TMEM254: variants seen among roughly 807,000 people sequenced by gnomAD.
TMEM254 encodes the protein transmembrane protein 254.
TMEM254 carries 16 observed loss-of-function variants against 13.9 expected under a neutral mutation model. The ratio of observed to expected loss-of-function variants is 1.15; its 90% CI spans 0.78 to 1.75. The LOEUF is 1.75. Ranked by LOEUF, TMEM254 falls within the 40% of genes most tolerant of loss-of-function variation. The pLI is 0.00. For synonymous variants in TMEM254, 61 were observed against 56.4 expected (o/e 1.08, Z -0.36); for missense variants, 155 against 149.0 (o/e 1.04, Z -0.21).
intron 1 of TMEM254, chr10:80,079,762 G>T (rs1335294937): frequency 4.3e-6 from 4 of 940,522 alleles, no homozygotes; most frequent in Non-Finnish European, 3.8e-6. Flanking sequence ...ACCCAGGCTG[G>T]AGTGCAGTGG....
chr10:80,088,106 T>C (rs1325559305), intron 3 of TMEM254, among the ~76,000 whole-genome samples: 1 of 152,206 alleles, frequency 6.6e-6, no homozygotes, highest in Non-Finnish European at 1.5e-5. Context: ...CAGAGCTACT[T>C]ATTGAGACAT....
At chr10:80,079,503 G>A in intron 1 of TMEM254, 2 of 1,017,900 alleles carry the variant, frequency 2.0e-6, no homozygotes, top group Non-Finnish European at 2.4e-6. Context: ...TGAGCCAATA[G>A]GAATTGTTTG....
At chr10:80,089,983 T>C (rs1388104210) in intron 3 of TMEM254, among the ~76,000 whole-genome samples, 7 of 143,706 alleles carry the variant, frequency 4.9e-5, no homozygotes, top group African/African-American at 1.0e-4. Flanking sequence ...CCAGCCTGGG[T>C]GACAGAGCGA....
chr10:80,086,613 C>T (rs983905813), intron 3 of TMEM254, among the ~76,000 whole-genome samples: 17 of 151,858 alleles, frequency 1.1e-4, no homozygotes, highest in South Asian at 8.3e-4. Context: ...GAGGCCAAGG[C>T]GGACGGATCA....
chr10:80,083,734 G>T (rs1238839668), intron 3 of TMEM254, among the ~76,000 whole-genome samples: 1 of 152,150 alleles, frequency 6.6e-6, no homozygotes, highest in South Asian at 2.1e-4. Flanking sequence ...GCTGCTTGTG[G>T]TCCCTTGGGA....
chr10:80,082,128 C>CT lies in TMEM254; in HGVS notation c.192-9dup, dbSNP rs753133973. Reference sequence around the variant, plus strand: ...AACTATCACCTTAAAAAAGATTAACCTTTTTTTTGGTTTCAGGTATTGGCT... The same window carrying CT: ...AACTATCACCTTAAAAAAGATTAACCTTTTTTTTTGGTTTCAGGTATTGGCT... On this transcript the variant is annotated splice_polypyrimidine_tract_variant and intron_variant, in intron 2 of 3. Transcript: ENST00000372281. 9.3e-5 allele frequency: 149 copies of CT among 1,610,646 alleles called. 1 individual carries two copies. In the East Asian group the frequency reaches 2.5e-3, roughly 27 times the overall value.
chr10:80,078,857 T>C (rs140099300), intron 1 of TMEM254, 71 bp downstream of exon 1: 18,337 of 1,540,102 alleles, frequency 0.012, 269 homozygotes, highest in African/African-American at 0.069. Context: ...GGACCTGGGC[T>C]CACAGGCCGC....
intron 3 of TMEM254, 64 bp from the exon 4 acceptor site, chr10:80,090,733 C>T: frequency 2.0e-6 from 3 of 1,513,470 alleles, no homozygotes; most frequent in Non-Finnish European, 2.7e-6. Flanking sequence ...ATATAGAAGA[C>T]AATAACTCCC....
intron 3 of TMEM254, chr10:80,090,299 TC>T: frequency 4.3e-6 from 3 of 704,762 alleles, no homozygotes; most frequent in East Asian, 2.7e-5. Flanking sequence ...CCAGGCTCCT[TC>T]CTGAGCATGT....
At chr10:80,079,485 A>G (rs1843854670) in intron 1 of TMEM254, 1 of 1,028,528 alleles carries the variant, frequency 9.7e-7, no homozygotes, top group Non-Finnish European at 1.2e-6. Flanking sequence ...CTTCCGAAGC[A>G]GAATGTTTGA....
chr10:80,088,260 T>G (rs1415662846), intron 3 of TMEM254, among the ~76,000 whole-genome samples: 1 of 152,160 alleles, frequency 6.6e-6, no homozygotes, highest in East Asian at 1.9e-4. Flanking sequence ...TTATAATCAT[T>G]GTTATCTGAC....
rs1178411889 is a variant in TMEM254, at chr10:80,081,900, C to T, written c.147C>T (p.Phe49=). ...PYQNLGPLGP[F]TQYLVDHHHT... is the part of the protein sequence containing the mutation. Reference sequence around the variant, plus strand: ...AGAACCTTGGGCCCCTGGGCCCCTTCACTCAGTACTTGGTGGACCACCATC... The same window carrying T: ...AGAACCTTGGGCCCCTGGGCCCCTTTACTCAGTACTTGGTGGACCACCATC... Residue 49 remains phenylalanine (F), a synonymous_variant, in exon 2 of 4, where the codon TTC becomes TTT. Coordinates refer to ENST00000372281, the MANE Select transcript of TMEM254 (RefSeq NM_025125.4). 3 of 1,614,216 alleles carry T rather than the reference C, an allele frequency of 1.9e-6. No homozygotes were observed. In the East Asian group the frequency reaches 6.7e-5, roughly 36 times the overall value.
At chr10:80,085,715 G>C (rs1844282637) in intron 3 of TMEM254, among the ~76,000 whole-genome samples, 1 of 152,164 alleles carries the variant, frequency 6.6e-6, no homozygotes, top group Non-Finnish European at 1.5e-5. Context: ...ACTCTTCTTT[G>C]AAAGGTGCTG....
chr10:80,084,750 C>T (rs746299433), intron 3 of TMEM254, among the ~76,000 whole-genome samples: 14 of 152,102 alleles, frequency 9.2e-5, no homozygotes, highest in South Asian at 2.1e-4. Context: ...TGTAGGAGTG[C>T]GTGACACCTA....
intron 1 of TMEM254, 91 bp downstream of exon 1, chr10:80,078,877 G>T: frequency 6.5e-7 from 1 of 1,534,324 alleles, no homozygotes; most frequent in Non-Finnish European, 8.8e-7. Flanking sequence ...CGGGCCGGGG[G>T]AAGTCGTGCA....
rs1242743610 is a variant in TMEM254 at position 80,092,327 on chromosome 10, T to TAG, written c.*1411_*1412insGA. ...TGGTAGAGATAAATTTCTGCAAACA[T>TAG]ATCTCAGTCTTCCCTCTGTTTCTCT... On this transcript the variant is annotated 3_prime_UTR_variant, in exon 4 of 4. Transcript: ENST00000372281. The TAG allele has an allele frequency of 3.9e-5, 6 of 152,220 alleles. No individual in the cohort carries two copies. The highest frequency in any genetic ancestry group is 1.4e-4 in the African/African-American group (6 of 41,458). 9.4% of individuals were successfully genotyped at this position (152,220 alleles called of 1,614,324 possible).
At chr10:80,085,173 GT>G (rs1337430192) in intron 3 of TMEM254, among the ~76,000 whole-genome samples, 1 of 152,126 alleles carries the variant, frequency 6.6e-6, no homozygotes, top group African/African-American at 2.4e-5. Context: ...AGGCATAGAG[GT>G]TAGGTTACTC....
intron 3 of TMEM254, among the ~76,000 whole-genome samples, chr10:80,084,803 C>A (rs1564570578): frequency 6.6e-6 from 1 of 152,056 alleles, no homozygotes; most frequent in Non-Finnish European, 1.5e-5. Flanking sequence ...AACCAAAATA[C>A]AAAAATTTTT....
intron 1 of TMEM254, among the ~76,000 whole-genome samples, chr10:80,081,464 G>C (rs1413702609): frequency 1.3e-5 from 2 of 151,896 alleles, no homozygotes; most frequent in African/African-American, 2.4e-5. Flanking sequence ...CCCTGGAGTT[G>C]GAAACCATCC....
Sources: allele counts gnomAD v4.1 joint callset (sites outside exome capture counted in the v4.1 genomes callset), GRCh38; gene constraint gnomAD v4.1.1; transcripts MANE v1.5; gene names NCBI Gene and HGNC (gene_info 2026-07-23, HGNC 2026-07-21).